PDE8A: variants seen among roughly 807,000 people sequenced by gnomAD.
PDE8A encodes the protein phosphodiesterase 8A.
PDE8A carries 59 observed loss-of-function variants against 105.0 expected under a neutral mutation model. That is an observed-to-expected ratio of 0.56 (90% CI 0.46 to 0.70). The LOEUF is 0.70. Ranked by LOEUF, PDE8A falls within the 30% of genes least tolerant of loss-of-function variation. The pLI, the probability that PDE8A is intolerant of heterozygous loss-of-function variation, is 0.00. For synonymous variants in PDE8A, 355 were observed against 371.9 expected (o/e 0.95, Z 0.52); for missense variants, 1,014 against 1,045.9 (o/e 0.97, Z 0.42).
intron 1 of PDE8A, among the ~76,000 whole-genome samples, chr15:85,043,065 A>G (rs991296313): frequency 1.4e-5 from 2 of 141,300 alleles, no homozygotes; most frequent in African/African-American, 2.7e-5. Context: ...GTATGCAGGC[A>G]AACAGCTGTA....
At chr15:84,980,865 G>A (rs554965514), upstream of PDE8A, among the ~76,000 whole-genome samples, 3 of 152,312 alleles carry the variant, frequency 2.0e-5, no homozygotes, top group South Asian at 4.1e-4. Context: ...AGCCTGCCCG[G>A]TGCTGTAGCT....
intron 11 of PDE8A, among the ~76,000 whole-genome samples, chr15:85,107,732 G>T (rs1279584374): frequency 1.3e-5 from 2 of 152,188 alleles, no homozygotes; most frequent in East Asian, 1.9e-4. Flanking sequence ...TGCCTGAGGA[G>T]TGTCTAAGTG....
At chr15:85,067,490 C>T (rs768134299) in intron 3 of PDE8A, among the ~76,000 whole-genome samples, 1 of 152,042 alleles carries the variant, frequency 6.6e-6, no homozygotes, top group Non-Finnish European at 1.5e-5. Context: ...TATATTAGTG[C>T]AGTAAGAATT....
intron 6 of PDE8A, among the ~76,000 whole-genome samples, chr15:85,087,397 T>C (rs2081572080): frequency 6.6e-6 from 1 of 152,132 alleles, no homozygotes; most frequent in South Asian, 2.1e-4. Flanking sequence ...GACAGGGTTT[T>C]GCCATGTTGC....
rs150894760 is a variant in PDE8A at position 85,024,928 on chromosome 15, A to G, written c.187-39442A>G. On this transcript the variant is annotated intron_variant, in intron 1 of 21. Transcript: ENST00000394553. ...CCAGATACAGTTTTTCAGAAACTCAATGATCTGTGTGCATTACACATTAAA... is the reference window on the plus strand; with the variant it reads ...CCAGATACAGTTTTTCAGAAACTCAGTGATCTGTGTGCATTACACATTAAA... Among the ~76,000 whole-genome samples, 481 of 152,330 alleles carry G rather than the reference A, an allele frequency of 3.2e-3. 4 individuals are homozygous for G. Among genetic ancestry groups the G allele is most frequent in the African/African-American group, 0.01 (433 of 41,558 alleles).
chr15:85,109,738 A>G, intron 12 of PDE8A, among the ~76,000 whole-genome samples: 1 of 152,210 alleles, frequency 6.6e-6, no homozygotes, highest in East Asian at 1.9e-4. Flanking sequence ...TCAAAAGACA[A>G]ACTTTTCCAA....
chr15:84,996,823 CAA>C (rs34363361), intron 1 of PDE8A, among the ~76,000 whole-genome samples: 2 of 53,818 alleles, frequency 3.7e-5, no homozygotes, highest in African/African-American at 1.1e-4. Flanking sequence ...AAGACTCTCT[CAA>C]AAAAAAAAAA....
At chr15:85,061,696 C>T (rs977114232) in intron 1 of PDE8A, among the ~76,000 whole-genome samples, 1 of 152,058 alleles carries the variant, frequency 6.6e-6, no homozygotes, top group Non-Finnish European at 1.5e-5. Flanking sequence ...TTTTCTTTCC[C>T]TTTCTCTTCA....
intron 20 of PDE8A, among the ~76,000 whole-genome samples, chr15:85,126,859 C>T (rs1343832431): frequency 1.3e-5 from 2 of 152,112 alleles, no homozygotes; most frequent in Non-Finnish European, 2.9e-5. Flanking sequence ...AGAGGAAAAG[C>T]GACACATTAC....
chr15:85,126,752 A>T (rs1165185082), intron 20 of PDE8A, among the ~76,000 whole-genome samples: 1 of 152,152 alleles, frequency 6.6e-6, no homozygotes, highest in Non-Finnish European at 1.5e-5. Flanking sequence ...GCACATGCAT[A>T]TGCATACAGA....
chr15:85,020,326 C>G (rs192225289), intron 1 of PDE8A, among the ~76,000 whole-genome samples: 1 of 152,076 alleles, frequency 6.6e-6, no homozygotes, highest in African/African-American at 2.4e-5. Flanking sequence ...AACAAGGGCC[C>G]GGCGCAGTGG....
At chr15:85,113,281 C>T in intron 12 of PDE8A, 96 bp from the exon 13 acceptor site, 1 of 980,650 alleles carries the variant, frequency 1.0e-6, no homozygotes, top group Non-Finnish European at 1.7e-6. Flanking sequence ...TCTATCCTGC[C>T]CCTTCATCAT....
intron 7 of PDE8A, 85 bp from the exon 8 acceptor site, chr15:85,090,959 G>A (rs2081633083): frequency 4.1e-6 from 5 of 1,230,968 alleles, no homozygotes; most frequent in Non-Finnish European, 5.7e-6. Context: ...AAAACCTGAA[G>A]GGCTTAGGTC....
intron 8 of PDE8A, chr15:85,097,662 G>C (rs748417209): frequency 6.5e-5 from 20 of 307,480 alleles, no homozygotes; most frequent in Middle Eastern, 1.9e-3. Context: ...AAGTAAGGGG[G>C]AGTGCCCTTT....
At position 85,100,027 on chromosome 15, in the gene PDE8A, C is replaced by T. The variant is rs1417920666; in HGVS notation, c.954C>T (p.His318=). The stretch of plus-strand genomic sequence containing the variant: ...TTTTTACTTGCAGAAAAATTAGACA[C>T]TATGTGTCCATTATCAGAGTGTGCA... ...PVIGQGGKIR[H]YVSIIRVCNG... The change falls in exon 10 of 22, where the codon CAC becomes CAT. Residue 318 remains histidine (H), a synonymous_variant. Coordinates refer to ENST00000394553, the MANE Select transcript of PDE8A (RefSeq NM_002605.3). The T allele has an allele frequency of 3.7e-6, 6 of 1,612,666 alleles. No individual in the cohort carries two copies. The highest frequency in any genetic ancestry group is 3.3e-5 in the South Asian group (3 of 90,636).
intron 1 of PDE8A, among the ~76,000 whole-genome samples, chr15:85,002,464 C>A (rs1421359403): frequency 2.6e-5 from 4 of 152,246 alleles, no homozygotes; most frequent in Admixed American, 2.0e-4. Flanking sequence ...GCGCCACCCT[C>A]TGGCATGTGG....
In PDE8A at chr15:85,116,173, GAGGAGGCTA is replaced by G. The variant is rs2082094485; in HGVS notation, c.1535+55_1535+63del. On this transcript the variant is annotated intron_variant, in intron 16 of 21. Coordinates refer to ENST00000394553, the MANE Select transcript of PDE8A (RefSeq NM_002605.3). ...AGAACTAGATTCCCAGGGCCTGTGTGAGGAGGCTACCTGAGGAGTATGGATTGTGCACAA... is the reference window on the plus strand; with the variant it reads ...AGAACTAGATTCCCAGGGCCTGTGTGCCTGAGGAGTATGGATTGTGCACAA... 4.4e-6 allele frequency: 7 copies of G among 1,582,648 alleles called. No homozygotes were observed. In the South Asian group the frequency reaches 7.8e-5, roughly 18 times the overall value.
chr15:85,002,795 C>T (rs964163437), intron 1 of PDE8A, among the ~76,000 whole-genome samples: 4 of 152,118 alleles, frequency 2.6e-5, no homozygotes, highest in African/African-American at 7.2e-5. Context: ...GCATAAACTC[C>T]GGTGTTGTGG....
chr15:85,067,342 A>G (rs2081245810), intron 3 of PDE8A, 138 bp downstream of exon 3: 1 of 572,100 alleles, frequency 1.7e-6, no homozygotes. Context: ...TTAGAACCTC[A>G]CTATTTATAG....
Sources: allele counts gnomAD v4.1 joint callset (sites outside exome capture counted in the v4.1 genomes callset), GRCh38; gene constraint gnomAD v4.1.1; transcripts MANE v1.5; gene names NCBI Gene and HGNC (gene_info 2026-07-23, HGNC 2026-07-21).